KSR1: variants seen among roughly 807,000 people sequenced by gnomAD.
The protein encoded by KSR1 is kinase suppressor of ras.
In KSR1, 35 loss-of-function variants were observed where a neutral mutation model predicts 92.9. The observed-to-expected ratio is 0.38, with a 90% CI of 0.29 to 0.50. The LOEUF (loss-of-function observed/expected upper bound fraction) is 0.50, where lower values mean the gene tolerates loss of function less well. Ranked by LOEUF, KSR1 falls within the 20% of genes least tolerant of loss-of-function variation. KSR1 has a pLI of 0.94. For missense variants in KSR1, 972 were observed against 1,158.5 expected, an observed-to-expected ratio of 0.84 and a Z score of 2.34; for synonymous variants, 467 against 472.6, an observed-to-expected ratio of 0.99 and a Z score of 0.15.
chr17:27,504,862 G>T (rs2069320803), intron 1 of KSR1, among the ~76,000 whole-genome samples: 2 of 152,190 alleles, frequency 1.3e-5, no homozygotes, highest in African/African-American at 4.8e-5. Flanking sequence ...CTGGCCCAGA[G>T]CCAGAGCTGT....
At chr17:27,562,795 G>C (rs189365071) in intron 2 of KSR1, among the ~76,000 whole-genome samples, 93 of 152,310 alleles carry the variant, frequency 6.1e-4, no homozygotes, top group Non-Finnish European at 1.1e-3. Flanking sequence ...ATGTACCTTT[G>C]GGGGAGGCCA....
chr17:27,568,786 G>A (rs534562715), intron 2 of KSR1, among the ~76,000 whole-genome samples: 1 of 152,322 alleles, frequency 6.6e-6, no homozygotes, highest in South Asian at 2.1e-4. Context: ...GCCTTCCGTA[G>A]AGGAATAGTG....
intron 5 of KSR1, chr17:27,586,007 C>T (rs1159685269): frequency 8.4e-6 from 3 of 358,648 alleles, no homozygotes; most frequent in Non-Finnish European, 5.1e-6. Context: ...GGTAAAGCAG[C>T]ACCCCTGGGA....
chr17:27,543,546 A>G (rs966412279), intron 1 of KSR1, among the ~76,000 whole-genome samples: 1 of 152,084 alleles, frequency 6.6e-6, no homozygotes, highest in Non-Finnish European at 1.5e-5. Context: ...TATCTGCTCA[A>G]CCAGGCCCGT....
chr17:27,621,462 G>T (rs2074221641), intron 20 of KSR1, among the ~76,000 whole-genome samples, 189 bp downstream of exon 20: 1 of 152,182 alleles, frequency 6.6e-6, no homozygotes, highest in Non-Finnish European at 1.5e-5. Flanking sequence ...TTTTCGCTGG[G>T]TGAGAGAAGA....
Position 27,609,303 on chromosome 17 carries a change from G to C in KSR1, c.2199G>C (p.Gly733=). The C allele has an allele frequency of 6.2e-6, 10 of 1,614,020 alleles. No individual in the cohort carries two copies. The highest frequency in any genetic ancestry group is 8.5e-6 in the Non-Finnish European group (10 of 1,179,896). The change falls in exon 16 of 21, where the codon GGG becomes GGC. Residue 733 remains glycine (G), a synonymous_variant. Coordinates refer to ENST00000644974, the MANE Select transcript of KSR1 (RefSeq NM_001394583.1). ...KVVITDFGLF[G]ISGVVREGRR... ...TCATCACAGACTTCGGGCTGTTTGG[G>C]ATCTCAGGCGTGGTCCGAGAGGGAC...
At chr17:27,604,761 C>A (rs1465179136) in intron 13 of KSR1, 33 bp downstream of exon 13, 1 of 1,610,308 alleles carries the variant, frequency 6.2e-7, no homozygotes, top group South Asian at 1.1e-5. Context: ...CACAGATGGC[C>A]CCCCCTCTTT....
chr17:27,496,977 T>C (rs1263066497), intron 1 of KSR1, among the ~76,000 whole-genome samples: 3 of 152,226 alleles, frequency 2.0e-5, no homozygotes, highest in Non-Finnish European at 4.4e-5. Flanking sequence ...TTTGTCTTTC[T>C]TTTTGCGTAA....
intron 1 of KSR1, among the ~76,000 whole-genome samples, chr17:27,462,199 C>T (rs1265036083): frequency 6.6e-6 from 1 of 152,144 alleles, no homozygotes; most frequent in Admixed American, 6.6e-5. Flanking sequence ...GCTATGAGGC[C>T]TTATCCTGAT....
intron 2 of KSR1, chr17:27,560,579 C>T (rs997409745): frequency 4.1e-6 from 2 of 487,826 alleles, no homozygotes; most frequent in African/African-American, 3.9e-5. Context: ...CTGCCTTACT[C>T]CTGCCACCAT....
chr17:27,459,115 T>C lies in KSR1; in HGVS notation c.231+2241T>C, dbSNP rs1223656297. 1.3e-5 allele frequency among the ~76,000 whole-genome samples: 2 copies of C among 152,216 alleles called. No individual in the cohort carries two copies. Among genetic ancestry groups the C allele is most frequent in the Non-Finnish European group, 2.9e-5 (2 of 68,036 alleles). The stretch of plus-strand genomic sequence containing the variant: ...GCAGCGTGGTGAATAGGAAGCCCCA[T>C]GGCTTTCATACTGGGCCTGGGTTCT... On this transcript the variant is annotated intron_variant, in intron 1 of 20. Coordinates refer to ENST00000644974, the MANE Select transcript of KSR1 (RefSeq NM_001394583.1). This position sits in a 1 kb window ranked among gnomAD's most constrained non-coding sequence, Gnocchi z 4.6.
At chr17:27,588,165 C>A (rs1005566903) in intron 5 of KSR1, 1 of 213,224 alleles carries the variant, frequency 4.7e-6, no homozygotes, top group African/African-American at 2.3e-5. Context: ...CTTCTGCCCT[C>A]ACTCTGGCTT....
chr17:27,608,062 C>A, intron 15 of KSR1, 52 bp downstream of exon 15: 1 of 1,332,600 alleles, frequency 7.5e-7, no homozygotes, highest in Non-Finnish European at 1.1e-6. Flanking sequence ...TTCCAGGGCT[C>A]TCGGCTGTTC....
Position 27,605,525 on chromosome 17 carries a change from C to G in KSR1, c.1706C>G (p.Pro569Arg), listed in dbSNP as rs769604708. The G allele has an allele frequency of 4.4e-6, 7 of 1,597,250 alleles. No individual in the cohort carries two copies. Among genetic ancestry groups the G allele is most frequent in the South Asian group, 1.1e-5 (1 of 88,246 alleles). Residue 569 changes from proline (P) to arginine (R), a missense_variant, in exon 14 of 21, where the codon CCC becomes CGC. Pro to Arg is a moderately radical substitution (Grantham distance 103, BLOSUM62 -2). This residue lies in a region of KSR1 where 611 missense variants were observed against 668.0 expected (regional missense o/e 0.91). Coordinates refer to ENST00000644974, the MANE Select transcript of KSR1 (RefSeq NM_001394583.1). The stretch of plus-strand genomic sequence containing the variant: ...AGCTCTCGCCGGCCCTGGCGGGGCC[C>G]CATCTCTCGCAAGGCCAGCCAGACC... ...LPSSRRPWRG[P>R]ISRKASQTSV...
At chr17:27,568,894 C>G (rs561321604) in intron 2 of KSR1, among the ~76,000 whole-genome samples, 58 of 152,318 alleles carry the variant, frequency 3.8e-4, no homozygotes, top group African/African-American at 1.2e-3. Context: ...AGGCCCTCAG[C>G]TTTAGCCCCT....
In KSR1 at chr17:27,456,639, G is replaced by T. The variant is rs1276030747; in HGVS notation, c.-5G>T. The T allele has an allele frequency of 5.8e-6, 3 of 517,970 alleles. No individual in the cohort carries two copies. The allele number at this position is 517,970 out of a possible 1,614,324, so 32.1% of individuals were successfully genotyped here. On this transcript the variant is annotated 5_prime_UTR_variant, in exon 1 of 21. Transcript: ENST00000644974. ...CCTCGGCCGCCGCGGCCCCGATGCC[G>T]AGGCATGGATAGAGCAGCGCTGCGC... is the stretch of plus-strand genomic sequence containing the variant.
At chr17:27,518,300 A>G (rs1262048172) in intron 1 of KSR1, among the ~76,000 whole-genome samples, 1 of 152,146 alleles carries the variant, frequency 6.6e-6, no homozygotes, top group Admixed American at 6.5e-5. Context: ...AGCAATAGCT[A>G]CACCTTTTCA....
intron 1 of KSR1, among the ~76,000 whole-genome samples, chr17:27,492,683 T>C (rs897042438): frequency 1.4e-4 from 21 of 152,296 alleles, no homozygotes; most frequent in Middle Eastern, 3.4e-3. Context: ...GCCCCGGAAT[T>C]CGAGGCATCC....
chr17:27,560,075 G>A (rs2151111469), intron 2 of KSR1, among the ~76,000 whole-genome samples: 1 of 152,370 alleles, frequency 6.6e-6, no homozygotes. Flanking sequence ...TGGCTGGAGG[G>A]TGGAAGGGTC....
Sources: allele counts gnomAD v4.1 joint callset (sites outside exome capture counted in the v4.1 genomes callset), GRCh38; gene constraint gnomAD v4.1.1; regional missense constraint gnomAD v4.1.1; non-coding constraint Gnocchi (gnomAD v3.1); transcripts MANE v1.5; gene names NCBI Gene and HGNC (gene_info 2026-07-23, HGNC 2026-07-21).